SEMA4D: variants seen among roughly 807,000 people sequenced by gnomAD.
The protein encoded by SEMA4D is semaphorin-4D.
SEMA4D carries 22 observed loss-of-function variants against 74.8 expected under a neutral mutation model. The ratio of observed to expected loss-of-function variants is 0.29; its 90% CI spans 0.21 to 0.42. The LOEUF (loss-of-function observed/expected upper bound fraction) is 0.42. SEMA4D is among the 10% of genes least tolerant of loss of function. The pLI is 1.00. For missense variants in SEMA4D, 937 were observed against 1,118.4 expected (o/e 0.84, Z 2.31); for synonymous variants, 445 against 463.7 (o/e 0.96, Z 0.52).
At position 89,467,531 on chromosome 9, in the gene SEMA4D, ATTTT is replaced by A. The variant is rs35017295; in HGVS notation, c.-309-11582_-309-11579del. 9.3e-5 allele frequency among the ~76,000 whole-genome samples: 12 copies of A among 128,402 alleles called. No homozygotes were observed. In the South Asian group the frequency reaches 1.0e-3, roughly 11 times the overall value. 84.2% of individuals were successfully genotyped at this position (128,402 alleles called of 152,430 possible). ...GGGGAACCACACCTGGGAGCGCATG[ATTTT>A]TTTTTTTTTTTTTTGAGACAGAATC... On this transcript the variant is annotated intron_variant, in intron 1 of 15. Coordinates refer to ENST00000422704, the MANE Select transcript of SEMA4D (RefSeq NM_001371194.2).
rs148799603 is a variant in SEMA4D, at chr9:89,372,064, TGGG to T, written c.1882+4766_1882+4768del. ...GGTGTGTGTGTCGGGTGTGGTGTGT[TGGG>T]GGCGTGGTGTGTGTCGGGTGTGTGT... On this transcript the variant is annotated intron_variant, in intron 16 of 18. Coordinates refer to the SEMA4D transcript ENST00000339861. 2.6e-3 allele frequency among the ~76,000 whole-genome samples: 84 copies of T among 32,150 alleles called. 6 individuals are homozygous for T. Among genetic ancestry groups the T allele is most frequent in the East Asian group, 0.022 (20 of 894 alleles). The allele number at this position is 32,150 out of a possible 152,430, so 21.1% of individuals were successfully genotyped here. A position where few individuals can be genotyped will look rare whatever the true frequency, so the allele number is the denominator to read the frequency against.
chr9:89,421,262 A>T (rs1846879647), intron 2 of SEMA4D, among the ~76,000 whole-genome samples: 1 of 152,206 alleles, frequency 6.6e-6, no homozygotes, highest in African/African-American at 2.4e-5. Flanking sequence ...GGAGGCAGAG[A>T]GCAATGGGGG....
At chr9:89,373,892 CCT>C (rs1375822776), downstream of SEMA4D, among the ~76,000 whole-genome samples, 1 of 152,236 alleles carries the variant, frequency 6.6e-6, no homozygotes, top group Non-Finnish European at 1.5e-5. Flanking sequence ...CACACTGTGG[CCT>C]CTGTCGCAGG....
rs1836582463 is a variant in SEMA4D, at chr9:89,379,739, A to G, written c.1664-110T>C. On this transcript the variant is annotated intron_variant, in intron 15 of 15. Transcript: ENST00000422704. ...CAAGAGTTTCACCCACTGTAGCAAC[A>G]TGGAATCTTCCAGAACAACTAAGGA... 9 of 1,282,984 alleles carry G rather than the reference A, an allele frequency of 7.0e-6. No individual in the cohort carries two copies. In the East Asian group the frequency reaches 2.1e-4, roughly 30 times the overall value. The allele number at this position is 1,282,984 out of a possible 1,614,324, so 79.5% of individuals were successfully genotyped here.
intron 1 of SEMA4D, among the ~76,000 whole-genome samples, chr9:89,468,292 T>A (rs1859276784): frequency 6.6e-6 from 1 of 152,208 alleles, no homozygotes; most frequent in Non-Finnish European, 1.5e-5. Context: ...GCAAAACTAA[T>A]CTCACTTGAA....
In SEMA4D at chr9:89,381,055, C is replaced by T. The variant is rs2132720683; in HGVS notation, c.1663G>A (p.Asp555Asn). 1 of 1,614,100 alleles carries T rather than the reference C, an allele frequency of 6.2e-7. No homozygotes were observed. ...EMSGDASVCP[D>N]KSKGSYRQHF... Reference sequence around the variant, plus strand: ...AATGGGACGTCGAGGAGTCACTCACCCGGGCACACAGAAGCATCGCCGCTC... The same window carrying T: ...AATGGGACGTCGAGGAGTCACTCACTCGGGCACACAGAAGCATCGCCGCTC... The change falls in exon 15 of 16, where the codon GAT (aspartate) becomes AAT (asparagine). Residue 555 changes from aspartate to asparagine, a missense_variant and splice_region_variant. Asp to Asn is a conservative substitution (Grantham distance 23). Coordinates refer to ENST00000422704, the MANE Select transcript of SEMA4D (RefSeq NM_001371194.2). This position sits in a 1 kb window ranked among gnomAD's most constrained non-coding sequence, Gnocchi z 4.6.
chr9:89,473,513 G>C (rs1860963230), intron 1 of SEMA4D, among the ~76,000 whole-genome samples: 1 of 152,114 alleles, frequency 6.6e-6, no homozygotes, highest in South Asian at 2.1e-4. Flanking sequence ...TGGGAGGACT[G>C]AAGTTCAAGG....
At chr9:89,487,628 G>C (rs549234092) in intron 1 of SEMA4D, among the ~76,000 whole-genome samples, 1 of 152,132 alleles carries the variant, frequency 6.6e-6, no homozygotes, top group Non-Finnish European at 1.5e-5. Flanking sequence ...GAAAGATCTT[G>C]AGGGACTACA....
chr9:89,363,447 T>C, exon 18 of SEMA4D: 2 of 1,613,724 alleles, frequency 1.2e-6, no homozygotes, highest in Non-Finnish European at 1.7e-6. Flanking sequence ...TTCCTCCAGC[T>C]CTGCATCATC....
At chr9:89,446,755 G>T (rs927353365) in intron 2 of SEMA4D, among the ~76,000 whole-genome samples, 1 of 152,170 alleles carries the variant, frequency 6.6e-6, no homozygotes, top group African/African-American at 2.4e-5. Flanking sequence ...ATGAAAGGGG[G>T]GTTATGTGCC....
At chr9:89,399,985 C>CA (rs1841819815) in intron 4 of SEMA4D, among the ~76,000 whole-genome samples, 2 of 109,404 alleles carry the variant, frequency 1.8e-5, no homozygotes, top group South Asian at 6.3e-4. Flanking sequence ...TGTGCCTGGG[C>CA]AACAGAGTAA....
At chr9:89,451,358 A>C (rs1400035956) in intron 2 of SEMA4D, among the ~76,000 whole-genome samples, 1 of 152,190 alleles carries the variant, frequency 6.6e-6, no homozygotes, top group Non-Finnish European at 1.5e-5. Context: ...CATCTATGAA[A>C]TGGATCCTCA....
At position 89,497,915 on chromosome 9, in the gene SEMA4D, T is replaced by G. The variant is rs1408285900; in HGVS notation, c.-310+4A>C. ...CTCCCTCCCGCGCCAGCCCGGCCGC[T>G]TACCTGCAGCGCGCGTCCTGCCCGC... On this transcript the variant is annotated splice_donor_region_variant and intron_variant, in intron 1 of 15. Transcript: ENST00000422704. The G allele has an allele frequency of 6.7e-6, 1 of 149,892 alleles. No homozygotes were observed. Among genetic ancestry groups the G allele is most frequent in the Non-Finnish European group, 1.5e-5 (1 of 67,158 alleles). 9.3% of individuals were successfully genotyped at this position (149,892 alleles called of 1,614,324 possible). A position where few individuals can be genotyped will look rare whatever the true frequency, so the allele number is the denominator to read the frequency against.
chr9:89,396,601 C>G, intron 6 of SEMA4D, 136 bp downstream of exon 6: 1 of 742,054 alleles, frequency 1.3e-6, no homozygotes. Flanking sequence ...AAGCTGCCCC[C>G]GTTTTCTGCA....
At chr9:89,432,379 A>C (rs1849468290) in intron 2 of SEMA4D, among the ~76,000 whole-genome samples, 1 of 152,112 alleles carries the variant, frequency 6.6e-6, no homozygotes, top group Admixed American at 6.6e-5. Context: ...TGAGATCTGA[A>C]AATTCAGGAT....
intron 1 of SEMA4D, among the ~76,000 whole-genome samples, chr9:89,486,085 T>C (rs1232987017): frequency 6.6e-6 from 1 of 152,226 alleles, no homozygotes; most frequent in African/African-American, 2.4e-5. Flanking sequence ...TCTAGCATTC[T>C]TGTCCCATAA....
chr9:89,388,532 G>A (rs911580193), intron 11 of SEMA4D, 104 bp downstream of exon 11: 15 of 1,384,024 alleles, frequency 1.1e-5, no homozygotes, highest in Admixed American at 1.0e-4. Context: ...GAGCCTTGGC[G>A]TGGCCAGGTA....
At chr9:89,370,363 CTGTACGTATGTG>C (rs1834375725) in intron 16 of SEMA4D, among the ~76,000 whole-genome samples, 1 of 141,808 alleles carries the variant, frequency 7.1e-6, no homozygotes, top group African/African-American at 3.0e-5. Context: ...TGTGGTGTAT[CTGTACGTATGTG>C]GTGTATCTGA....
At chr9:89,458,391 T>C (rs1211643523) in intron 1 of SEMA4D, among the ~76,000 whole-genome samples, 1 of 152,088 alleles carries the variant, frequency 6.6e-6, no homozygotes, top group African/African-American at 2.4e-5. Flanking sequence ...TAGTGGAAAC[T>C]ACAAATTCCA....
Sources: allele counts gnomAD v4.1 joint callset (sites outside exome capture counted in the v4.1 genomes callset), GRCh38; gene constraint gnomAD v4.1.1; non-coding constraint Gnocchi (gnomAD v3.1); transcripts MANE v1.5; gene names NCBI Gene and HGNC (gene_info 2026-07-23, HGNC 2026-07-21).